The following MSH4 variants were observed in gnomAD, a reference collection of about 807,000 sequenced individuals.
MSH4 encodes mutS protein homolog 4.
A neutral mutation model predicts 113.7 loss-of-function variants in MSH4; 106 were observed. The observed-to-expected ratio is 0.93, with a 90% CI of 0.80 to 1.10. MSH4 has a LOEUF of 1.10. Among genes scored for constraint, MSH4 ranks in the 50% least tolerant of loss-of-function variants. The probability of loss-of-function intolerance (pLI) is 0.00; values close to 1 mark genes in which losing one functional copy is unlikely to be tolerated. For missense variants in MSH4, 1,061 were observed against 1,093.7 expected (o/e 0.97, Z 0.42); for synonymous variants, 368 against 380.2 (o/e 0.97, Z 0.37).
At chr1:75,834,653 C>T (rs773093227) in intron 7 of MSH4, among the ~76,000 whole-genome samples, 12 of 152,114 alleles carry the variant, frequency 7.9e-5, no homozygotes, top group Non-Finnish European at 1.6e-4. Flanking sequence ...AGCTGGAAAC[C>T]ATCATTCAGA....
chr1:75,904,346 G>C (rs1368370960), intron 19 of MSH4, among the ~76,000 whole-genome samples: 1 of 151,956 alleles, frequency 6.6e-6, no homozygotes, highest in Non-Finnish European at 1.5e-5. Flanking sequence ...TTCATAGTCT[G>C]GTTTTGATAT....
intron 1 of MSH4, 95 bp from the exon 2 acceptor site, chr1:75,803,636 A>G (rs899840264): frequency 2.0e-6 from 2 of 980,682 alleles, no homozygotes; most frequent in African/African-American, 3.4e-5. Flanking sequence ...AAAAAAGAAA[A>G]AAAAGGAAAG....
intron 15 of MSH4, among the ~76,000 whole-genome samples, chr1:75,885,085 A>G (rs1411086629): frequency 7.9e-6 from 1 of 126,754 alleles, no homozygotes; most frequent in African/African-American, 3.0e-5. Context: ...ACCAGCCAGG[A>G]GGCTTCTGTA....
At chr1:75,854,629 CTT>C (rs753172453) in intron 8 of MSH4, among the ~76,000 whole-genome samples, 6 of 152,172 alleles carry the variant, frequency 3.9e-5, no homozygotes, top group Non-Finnish European at 8.8e-5. Context: ...ACGATGCTCT[CTT>C]CTTCCTATTT....
chr1:75,891,815 C>A (rs5745511), intron 17 of MSH4, among the ~76,000 whole-genome samples: 2,911 of 152,146 alleles, frequency 0.019, 98 homozygotes, highest in African/African-American at 0.068. Context: ...TGTGATAAAT[C>A]AAAAGTAATG....
chr1:75,880,501 A>G (rs1651907513), intron 13 of MSH4, among the ~76,000 whole-genome samples: 1 of 152,070 alleles, frequency 6.6e-6, no homozygotes, highest in South Asian at 2.1e-4. Context: ...TTCAATAGCA[A>G]TATCACAATA....
intron 9 of MSH4, among the ~76,000 whole-genome samples, chr1:75,872,488 T>C (rs1224957789): frequency 6.6e-6 from 1 of 152,218 alleles, no homozygotes; most frequent in East Asian, 1.9e-4. Context: ...AAGAAGCCTG[T>C]GCTGTTAGAA....
chr1:75,903,832 C>T (rs1175002604), intron 19 of MSH4, among the ~76,000 whole-genome samples: 1 of 151,968 alleles, frequency 6.6e-6, no homozygotes, highest in African/African-American at 2.4e-5. Context: ...TTGACTTCTT[C>T]CTTTCCAGTT....
At chr1:75,897,849 T>C in intron 17 of MSH4, 58 bp from the exon 18 acceptor site, 1 of 1,119,756 alleles carries the variant, frequency 8.9e-7, no homozygotes, top group Non-Finnish European at 1.2e-6. Flanking sequence ...ATAGTTAAAA[T>C]AGAATTTTCT....
chr1:75,805,749 T>A (rs1299707546), intron 2 of MSH4, among the ~76,000 whole-genome samples: 1 of 152,174 alleles, frequency 6.6e-6, no homozygotes, highest in African/African-American at 2.4e-5. Flanking sequence ...ACTGGACTAA[T>A]TTTTAATTCC....
intron 8 of MSH4, among the ~76,000 whole-genome samples, chr1:75,856,037 C>A (rs1249097041): frequency 1.3e-5 from 2 of 152,142 alleles, no homozygotes; most frequent in Non-Finnish European, 2.9e-5. Context: ...TTGCACTAGA[C>A]AATTTCTGGT....
At chr1:75,840,633 C>T (rs1028366872) in intron 7 of MSH4, among the ~76,000 whole-genome samples, 1 of 149,594 alleles carries the variant, frequency 6.7e-6, no homozygotes, top group Admixed American at 6.7e-5. Flanking sequence ...CTAACCTGCA[C>T]ATTGTGCACA....
At chr1:75,847,142 T>G (rs1651092504) in intron 7 of MSH4, among the ~76,000 whole-genome samples, 1 of 152,176 alleles carries the variant, frequency 6.6e-6, no homozygotes, top group Admixed American at 6.5e-5. Context: ...ATAATAGCAC[T>G]AATTCACTCA....
intron 15 of MSH4, among the ~76,000 whole-genome samples, chr1:75,884,766 A>G (rs76526330): frequency 0.021 from 3,215 of 151,988 alleles, 112 homozygotes; most frequent in African/African-American, 0.074. Context: ...GATACAGTAT[A>G]AATTCACCCT....
chr1:75,851,965 G>A (rs953482030), intron 8 of MSH4, among the ~76,000 whole-genome samples: 2 of 152,140 alleles, frequency 1.3e-5, no homozygotes, highest in African/African-American at 4.8e-5. Flanking sequence ...CATCACCACA[G>A]TCAATTTTAG....
At chr1:75,817,174 G>T (rs1650310904) in intron 6 of MSH4, among the ~76,000 whole-genome samples, 1 of 152,128 alleles carries the variant, frequency 6.6e-6, no homozygotes, top group Admixed American at 6.5e-5. Context: ...GTTTTAAAAA[G>T]ATATTTGTAC....
chr1:75,841,669 A>C (rs1340201364), intron 7 of MSH4, among the ~76,000 whole-genome samples: 1 of 152,160 alleles, frequency 6.6e-6, no homozygotes, highest in Admixed American at 6.5e-5. Flanking sequence ...TGGAGCTGAC[A>C]TTCTGAACCT....
At chr1:75,876,914 T>G (rs1194861996) in intron 9 of MSH4, 22 bp from the exon 10 acceptor site, 5 of 1,396,488 alleles carry the variant, frequency 3.6e-6, no homozygotes, top group Non-Finnish European at 4.9e-6. Flanking sequence ...ATCCTTAACT[T>G]TTTTATTTTA....
chr1:75,797,852 G>C (rs1367266359), intron 1 of MSH4, among the ~76,000 whole-genome samples: 1 of 152,170 alleles, frequency 6.6e-6, no homozygotes, highest in East Asian at 1.9e-4. Flanking sequence ...AGGTTGAGGT[G>C]GGAGGATGGC....
Sources: gnomAD v4.1 joint callset for allele counts (sites outside exome capture counted in the v4.1 genomes callset) on GRCh38, gnomAD v4.1.1 for gene constraint, MANE v1.5 for transcripts, NCBI Gene and HGNC (gene_info 2026-07-23, HGNC 2026-07-21) for gene names.